The following PMPCA variants were observed in gnomAD, a reference collection of about 807,000 sequenced individuals.
PMPCA encodes the protein mitochondrial-processing peptidase subunit alpha.
PMPCA carries 47 observed loss-of-function variants against 59.3 expected under a neutral mutation model. The observed-to-expected ratio is 0.79, with a 90% confidence interval of 0.63 to 1.01. PMPCA has a LOEUF of 1.01. Ranked by LOEUF, PMPCA falls within the 50% of genes least tolerant of loss-of-function variation. The probability of loss-of-function intolerance (pLI) is 0.00; values close to 1 mark genes in which losing one functional copy is unlikely to be tolerated. For missense variants in PMPCA, 726 were observed against 704.5 expected, an observed-to-expected ratio of 1.03 and a Z score of -0.34; for synonymous variants, 338 against 290.3, an observed-to-expected ratio of 1.16 and a Z score of -1.67.
chr9:136,411,210 C>T (rs1411873369), intron 1 of PMPCA: 1 of 156,774 alleles, frequency 6.4e-6, no homozygotes, highest in Non-Finnish European at 1.4e-5. Context: ...CTGCCTTTCC[C>T]CACGCTGGAA....
At chr9:136,410,772 G>C in intron 1 of PMPCA, 33 bp downstream of exon 1, 1 of 1,376,032 alleles carries the variant, frequency 7.3e-7, no homozygotes, top group Non-Finnish European at 9.4e-7. Flanking sequence ...TTCGGCCTGG[G>C]GCGGGGGCGG....
At chr9:136,418,500 G>C in intron 8 of PMPCA, 55 bp from the exon 9 acceptor site, 1 of 1,110,528 alleles carries the variant, frequency 9.0e-7, no homozygotes. Flanking sequence ...GGCGTCTGAC[G>C]GTGCTCCTGA....
intron 1 of PMPCA, 70 bp downstream of exon 1, chr9:136,410,809 T>C (rs1835076947): frequency 1.6e-6 from 2 of 1,269,580 alleles, no homozygotes; most frequent in Non-Finnish European, 2.0e-6. Flanking sequence ...CGCTCCGTCT[T>C]CGGTTTCTAC....
chr9:136,418,523 G>A, intron 8 of PMPCA, 32 bp from the exon 9 acceptor site: 1 of 1,370,770 alleles, frequency 7.3e-7, no homozygotes, highest in Non-Finnish European at 1.0e-6. Flanking sequence ...TGGCGTGGGT[G>A]GTTCAGCCAG....
chr9:136,418,834 C>G lies in PMPCA; in HGVS notation c.1116C>G (p.His372Gln), dbSNP rs147737752. The change falls in exon 10 of 13, where the codon CAC becomes CAG. Residue 372 changes from histidine to glutamine, a missense_variant. Transcript: ENST00000371717. ...RLYLNVLNRH[H>Q]WMYNATSYHH... ...GACTCTCGCTTCCTCCCAGGCACCA[C>G]TGGATGTATAACGCGACCTCCTACC... 4 of 1,611,584 alleles carry G rather than the reference C, an allele frequency of 2.5e-6. No individual in the cohort carries two copies. The African/African-American group carries it at 5.3e-5, about 22-fold the overall frequency.
intron 12 of PMPCA, chr9:136,422,730 T>G: frequency 1.1e-5 from 12 of 1,070,292 alleles, no homozygotes; most frequent in Non-Finnish European, 1.4e-5. Context: ...CCCTTTGGCC[T>G]TCTCTCACCC....
chr9:136,416,113 C>T (rs992397145), intron 5 of PMPCA, 178 bp from the exon 6 acceptor site: 7 of 604,206 alleles, frequency 1.2e-5, no homozygotes, highest in African/African-American at 3.7e-5. Flanking sequence ...GCTCCTGCTC[C>T]CTGTAGCAGT....
intron 1 of PMPCA, chr9:136,411,234 G>A (rs11145932): frequency 0.033 from 5,084 of 155,300 alleles, 112 homozygotes; most frequent in East Asian, 0.1. Context: ...TGTTCCGACA[G>A]CACAGGCGTC....
At chr9:136,419,288 G>T (rs1349350324) in intron 11 of PMPCA, 182 bp downstream of exon 11, 2 of 676,916 alleles carry the variant, frequency 3.0e-6, no homozygotes, top group African/African-American at 1.8e-5. Context: ...CCACCTGGGA[G>T]CCCGCTGAGG....
Position 136,410,688 on chromosome 9 carries a change from C to G in PMPCA, c.20C>G (p.Ala7Gly), listed in dbSNP as rs149055087. 2 of 1,414,180 alleles carry G rather than the reference C, an allele frequency of 1.4e-6. No homozygotes were observed. Among genetic ancestry groups the G allele is most frequent in the African/African-American group, 1.5e-5 (1 of 67,126 alleles). 87.6% of individuals were successfully genotyped at this position (1,414,180 alleles called of 1,614,324 possible). A position where few individuals can be genotyped will look rare whatever the true frequency, so the allele number is the denominator to read the frequency against. ...CGCAAGATGGCGGCTGTGGTGCTGG[C>G]GGCGACGCGGTTGCTGCGGGGCTCG... is the stretch of plus-strand genomic sequence containing the variant. MAAVVL[A>G]ATRLLRGSGS... The change falls in exon 1 of 13, where the codon GCG (alanine) becomes GGG (glycine). Residue 7 changes from alanine to glycine, a missense_variant. Coordinates refer to ENST00000371717, the MANE Select transcript of PMPCA (RefSeq NM_015160.3).
At chr9:136,419,188 G>C in intron 11 of PMPCA, 82 bp downstream of exon 11, 1 of 1,260,506 alleles carries the variant, frequency 7.9e-7, no homozygotes, top group African/African-American at 1.5e-5. Context: ...GGCCACCTGT[G>C]GGCCTGGTCC....
chr9:136,418,981 C>T (rs1554790350), intron 10 of PMPCA, 63 bp downstream of exon 10: 2 of 1,602,200 alleles, frequency 1.2e-6, no homozygotes, highest in East Asian at 2.2e-5. Context: ...GCGTCCCTGC[C>T]TAGACGGGTC....
intron 11 of PMPCA, chr9:136,419,985 C>T (rs1461434977): frequency 6.7e-6 from 1 of 148,564 alleles, no homozygotes; most frequent in African/African-American, 2.5e-5. Context: ...AAGTTTTATA[C>T]ACACACTTTT....
chr9:136,417,900 A>C (rs1329205304), intron 7 of PMPCA, 117 bp from the exon 8 acceptor site: 1 of 784,618 alleles, frequency 1.3e-6, no homozygotes, highest in Non-Finnish European at 2.2e-6. Context: ...GGCATGAGCC[A>C]CTGTGCCTGG....
chr9:136,414,552 G>C lies in PMPCA; in HGVS notation c.438-1G>C, dbSNP rs1347251657. 1 of 1,604,062 alleles carries C rather than the reference G, an allele frequency of 6.2e-7. No individual in the cohort carries two copies. The highest frequency in any genetic ancestry group is 1.7e-5 in the Admixed American group (1 of 59,998). On this transcript the variant is annotated splice_acceptor_variant, in intron 4 of 12. Transcript: ENST00000371717. LOFTEE classifies it high-confidence loss of function. Reference sequence around the variant, plus strand: ...CATTATGGGCTTGTGTTTTCTTCCAGAGACACCACCATGTATGCTGTGTCT... The same window carrying C: ...CATTATGGGCTTGTGTTTTCTTCCACAGACACCACCATGTATGCTGTGTCT...
At position 136,416,350 on chromosome 9, in the gene PMPCA, C is replaced by T. The variant is rs759251899; in HGVS notation, c.592C>T (p.Arg198Trp). 2.5e-6 allele frequency: 4 copies of T among 1,613,684 alleles called. No homozygotes were observed. Among genetic ancestry groups the T allele is most frequent in the South Asian group, 2.2e-5 (2 of 91,050 alleles). ...GTTTGAGCTGGAGGACCTGAACCTGCGGCCTGACCCAGAGCCACTTCTCAC... is the reference window on the plus strand; with the variant it reads ...GTTTGAGCTGGAGGACCTGAACCTGTGGCCTGACCCAGAGCCACTTCTCAC... ...VQFELEDLNL[R>W]PDPEPLLTEM... The change falls in exon 6 of 13, where the codon CGG becomes TGG. Residue 198 changes from arginine (R) to tryptophan (W), a missense_variant. Physicochemically the swap from Arg to Trp is moderately radical, Grantham distance 101. Coordinates refer to ENST00000371717, the MANE Select transcript of PMPCA (RefSeq NM_015160.3).
At chr9:136,417,371 T>C (rs1707076332) in intron 7 of PMPCA, among the ~76,000 whole-genome samples, 157 bp downstream of exon 7, 1 of 152,158 alleles carries the variant, frequency 6.6e-6, no homozygotes, top group South Asian at 2.1e-4. Flanking sequence ...GGGCATGGAC[T>C]GTGTCCCCTG....
chr9:136,419,286 G>C (rs541163012), intron 11 of PMPCA, 180 bp downstream of exon 11: 13 of 685,822 alleles, frequency 1.9e-5, no homozygotes, highest in South Asian at 1.8e-4. Flanking sequence ...CTCCACCTGG[G>C]AGCCCGCTGA....
chr9:136,411,894 G>A (rs2131581970), intron 1 of PMPCA, 103 bp from the exon 2 acceptor site: 2 of 720,238 alleles, frequency 2.8e-6, no homozygotes, highest in South Asian at 3.1e-5. Flanking sequence ...AAAGGCAGAT[G>A]CTCACTTTTA....
Sources: gnomAD v4.1 joint callset for allele counts (sites outside exome capture counted in the v4.1 genomes callset) on GRCh38, gnomAD v4.1.1 for gene constraint, MANE v1.5 for transcripts, NCBI Gene and HGNC (gene_info 2026-07-23, HGNC 2026-07-21) for gene names.